Variants in ZNF540 observed in about 807,000 individuals in gnomAD.
ZNF540 encodes the protein CTD-3064H18.6.
In ZNF540, 3 loss-of-function variants were observed where a neutral mutation model predicts 11.8. That is an observed-to-expected ratio of 0.25 (90% confidence interval 0.12 to 0.65). ZNF540 has a LOEUF of 0.65. Among genes scored for constraint, ZNF540 ranks in the 30% least tolerant of loss-of-function variants. The pLI, the probability that ZNF540 is intolerant of heterozygous loss-of-function variation, is 0.83. For missense variants in ZNF540, 709 were observed against 793.1 expected (o/e 0.89, Z 1.27); for synonymous variants, 247 against 259.0 (o/e 0.95, Z 0.45).
chr19:37,606,328 TG>T (rs1425929073), intron 4 of ZNF540, among the ~76,000 whole-genome samples: 1 of 152,228 alleles, frequency 6.6e-6, no homozygotes, highest in African/African-American at 2.4e-5. Flanking sequence ...TTACCAGCGA[TG>T]GACATTTGTA....
rs905430804 is a variant in ZNF540, at chr19:37,568,796, T to A, written c.-73+17131T>A. On this transcript the variant is annotated intron_variant, in intron 1 of 4. Transcript: ENST00000592533. ...AAAAAAGGGAAAACTGCAAAAGGGG[T>A]GATGAGTGAAGACAACAAAATGGAG... Among the ~76,000 whole-genome samples the A allele has an allele frequency of 5.0e-4, 76 of 152,004 alleles. 2 individuals carry two copies. Among genetic ancestry groups the A allele is most frequent in the African/African-American group, 1.5e-3 (61 of 41,448 alleles).
chr19:37,593,119 T>C (rs1016596941), upstream of ZNF540, among the ~76,000 whole-genome samples: 1 of 152,050 alleles, frequency 6.6e-6, no homozygotes, highest in African/African-American at 2.4e-5. Flanking sequence ...TTTAAACTTA[T>C]TGTTAGTTTT....
intron 4 of ZNF540, among the ~76,000 whole-genome samples, chr19:37,606,111 G>C (rs2147231251): frequency 6.6e-6 from 1 of 152,200 alleles, no homozygotes; most frequent in African/African-American, 2.4e-5. Context: ...GGCAGCTACT[G>C]ACCTACCTTC....
chr19:37,602,396 C>CT (rs972583211), intron 4 of ZNF540, among the ~76,000 whole-genome samples: 1 of 152,148 alleles, frequency 6.6e-6, no homozygotes, highest in Admixed American at 6.5e-5. Flanking sequence ...GATGAGATCA[C>CT]TTAGGGCTGA....
At chr19:37,581,016 T>C (rs2043437094) in intron 1 of ZNF540, among the ~76,000 whole-genome samples, 1 of 152,188 alleles carries the variant, frequency 6.6e-6, no homozygotes, top group Non-Finnish European at 1.5e-5. Flanking sequence ...AACATCCACA[T>C]AATTTTTTTC....
At chr19:37,553,152 G>T (rs1341139184) in intron 1 of ZNF540, among the ~76,000 whole-genome samples, 562 of 39,982 alleles carry the variant, frequency 0.014, 20 homozygotes, top group African/African-American at 0.054. Context: ...TTTTTTTTTT[G>T]GAGACAGTCT....
At chr19:37,573,422 C>A (rs1017238384) in intron 1 of ZNF540, among the ~76,000 whole-genome samples, 1 of 152,184 alleles carries the variant, frequency 6.6e-6, no homozygotes, top group African/African-American at 2.4e-5. Context: ...GGTTTTCACC[C>A]ATAACTGCCA....
intron 1 of ZNF540, among the ~76,000 whole-genome samples, chr19:37,553,102 T>TAACCTAAC (rs1283953999): frequency 6.9e-6 from 1 of 145,654 alleles, no homozygotes; most frequent in African/African-American, 2.5e-5. Context: ...TTTTTTTATA[T>TAACCTAAC]AACCTAACAT....
At chr19:37,591,897 T>C (rs1474307812), upstream of ZNF540, among the ~76,000 whole-genome samples, 1 of 152,158 alleles carries the variant, frequency 6.6e-6, no homozygotes, top group African/African-American at 2.4e-5. Context: ...TTCTTATATA[T>C]AGAAGAACTG....
chr19:37,567,456 C>T (rs1343150776), intron 1 of ZNF540, among the ~76,000 whole-genome samples: 3 of 152,178 alleles, frequency 2.0e-5, no homozygotes, highest in Non-Finnish European at 4.4e-5. Flanking sequence ...CTATTCATGG[C>T]CTACAAGCCC....
intron 1 of ZNF540, among the ~76,000 whole-genome samples, chr19:37,595,766 T>C (rs2147222614): frequency 6.6e-6 from 1 of 152,364 alleles, no homozygotes; most frequent in South Asian, 2.1e-4. Flanking sequence ...TAGCTACATA[T>C]GGCTATTGAG....
intron 1 of ZNF540, among the ~76,000 whole-genome samples, chr19:37,579,643 T>C (rs1459224572): frequency 2.6e-5 from 4 of 152,204 alleles, no homozygotes; most frequent in Non-Finnish European, 5.9e-5. Flanking sequence ...CATTTTCTCA[T>C]TACATTTTGC....
At chr19:37,589,864 CAA>C (rs60136941), upstream of ZNF540, among the ~76,000 whole-genome samples, 2 of 29,590 alleles carry the variant, frequency 6.8e-5, no homozygotes, top group African/African-American at 1.5e-4. Flanking sequence ...GACTCCATCT[CAA>C]AAAAAAAAAA....
At chr19:37,574,783 C>G (rs1435368652) in intron 1 of ZNF540, among the ~76,000 whole-genome samples, 5 of 152,140 alleles carry the variant, frequency 3.3e-5, no homozygotes, top group Non-Finnish European at 5.9e-5. Context: ...CTTCTCCTTC[C>G]TTATCTCACT....
At chr19:37,553,970 T>C (rs2042634792) in intron 1 of ZNF540, among the ~76,000 whole-genome samples, 1 of 152,206 alleles carries the variant, frequency 6.6e-6, no homozygotes, top group Non-Finnish European at 1.5e-5. Context: ...GGTGATGAAT[T>C]CTCTTACCAT....
intron 1 of ZNF540, among the ~76,000 whole-genome samples, chr19:37,557,975 G>T (rs142289451): frequency 1.7e-3 from 252 of 152,202 alleles, no homozygotes; most frequent in African/African-American, 5.9e-3. Context: ...CGTCTCCAGG[G>T]TCCTAAGGTC....
intron 1 of ZNF540, chr19:37,586,006 T>C (rs73033122): frequency 0.27 from 40,651 of 152,166 alleles, 6,475 homozygotes; most frequent in Non-Finnish European, 0.37. Context: ...TCTCCAGTCC[T>C]CTAGAACCTC....
intron 1 of ZNF540, among the ~76,000 whole-genome samples, chr19:37,584,790 G>A (rs906634137): frequency 1.1e-4 from 17 of 151,878 alleles, no homozygotes; most frequent in Non-Finnish European, 2.1e-4. Flanking sequence ...GTGAAACCCC[G>A]TCTCTACTAA....
chr19:37,600,490 T>A (rs1373056080), intron 3 of ZNF540, among the ~76,000 whole-genome samples: 1 of 152,072 alleles, frequency 6.6e-6, no homozygotes, highest in African/African-American at 2.4e-5. Flanking sequence ...CTAAGTAAAT[T>A]AACAACAACA....
Sources: gnomAD v4.1 joint callset for allele counts (sites outside exome capture counted in the v4.1 genomes callset) on GRCh38, gnomAD v4.1.1 for gene constraint, MANE v1.5 for transcripts, NCBI Gene and HGNC (gene_info 2026-07-23, HGNC 2026-07-21) for gene names.